The following PVALB variants were observed in gnomAD, a reference collection of about 807,000 sequenced individuals.
PVALB encodes parvalbumin alpha.
Under a neutral mutation model 10.9 loss-of-function variants are expected in PVALB, and 11 were observed. That is an observed-to-expected ratio of 1.01 (90% CI 0.63 to 1.67). PVALB has a LOEUF of 1.67. Ranked by LOEUF, PVALB falls within the 40% of genes most tolerant of loss-of-function variation. The pLI is 0.00. For synonymous variants in PVALB, 57 were observed against 50.7 expected (o/e 1.12, Z -0.53); for missense variants, 131 against 136.2 (o/e 0.96, Z 0.19).
chr22:36,812,872 A>T (rs996399546), intron 3 of PVALB, among the ~76,000 whole-genome samples: 1 of 152,258 alleles, frequency 6.6e-6, no homozygotes, highest in Non-Finnish European at 1.5e-5. Flanking sequence ...TGCAAAATGG[A>T]GATAATTCCG....
intron 2 of PVALB, 28 bp downstream of exon 2, chr22:36,815,075 T>C (rs1187516648): frequency 1.2e-6 from 2 of 1,613,518 alleles, no homozygotes; most frequent in Admixed American, 1.7e-5. Flanking sequence ...AGCCGTGGGC[T>C]GGGCAGCCCC....
chr22:36,814,129 C>T (rs114649254), intron 2 of PVALB, among the ~76,000 whole-genome samples: 15 of 152,210 alleles, frequency 9.9e-5, no homozygotes, highest in African/African-American at 3.6e-4. Flanking sequence ...TCACGGGCTC[C>T]GAGAGAGACC....
At chr22:36,813,534 A>C in intron 3 of PVALB, 112 bp downstream of exon 3, 1 of 818,164 alleles carries the variant, frequency 1.2e-6, no homozygotes, top group Non-Finnish European at 2.1e-6. Context: ...AATCTGGGGG[A>C]GTGAGGGACC....
intron 3 of PVALB, among the ~76,000 whole-genome samples, chr22:36,810,835 G>A (rs1939034395): frequency 6.6e-6 from 1 of 152,222 alleles, no homozygotes; most frequent in Non-Finnish European, 1.5e-5. Context: ...TACCTTGCCT[G>A]GACCCCACTC....
intron 3 of PVALB, among the ~76,000 whole-genome samples, chr22:36,812,851 A>T (rs747685059): frequency 4.2e-4 from 64 of 152,246 alleles, no homozygotes; most frequent in Non-Finnish European, 8.7e-4. Flanking sequence ...TTCAAAGTCC[A>T]TTTGCCCACC....
intron 2 of PVALB, among the ~76,000 whole-genome samples, chr22:36,814,474 G>C (rs939448616): frequency 6.6e-6 from 1 of 152,114 alleles, no homozygotes; most frequent in Non-Finnish European, 1.5e-5. Flanking sequence ...AAAACTCAAG[G>C]CTTTCTTGGC....
intron 3 of PVALB, chr22:36,813,353 T>G: frequency 2.7e-6 from 1 of 370,440 alleles, no homozygotes; most frequent in Non-Finnish European, 5.0e-6. Context: ...CATGCAAAAA[T>G]GCAGGCAGAG....
At chr22:36,806,400 C>T (rs1184472888) in intron 3 of PVALB, among the ~76,000 whole-genome samples, 1 of 152,150 alleles carries the variant, frequency 6.6e-6, no homozygotes, top group Non-Finnish European at 1.5e-5. Context: ...CTGAAATTAG[C>T]CTAATTAGGT....
intron 3 of PVALB, 117 bp downstream of exon 3, chr22:36,813,529 G>T (rs1939079251): frequency 2.5e-6 from 2 of 796,544 alleles, no homozygotes. Flanking sequence ...CTTCTAATCT[G>T]GGGGAGTGAG....
intron 3 of PVALB, among the ~76,000 whole-genome samples, chr22:36,803,712 G>GAT (rs1369460468): frequency 6.6e-6 from 1 of 150,664 alleles, no homozygotes; most frequent in African/African-American, 2.5e-5. Flanking sequence ...TGGATGGATG[G>GAT]GTGGGTGGTT....
intron 3 of PVALB, among the ~76,000 whole-genome samples, chr22:36,809,185 C>G (rs1199743913): frequency 1.3e-5 from 2 of 152,212 alleles, no homozygotes; most frequent in Admixed American, 1.3e-4. Flanking sequence ...GCTTGCAGAT[C>G]ATCTCCCACT....
chr22:36,804,626 G>T (rs7288290), intron 3 of PVALB, among the ~76,000 whole-genome samples: 31,502 of 152,078 alleles, frequency 0.21, 3,875 homozygotes, highest in African/African-American at 0.34. Context: ...AAATGCCCAG[G>T]TCTCTCCTTA....
At chr22:36,818,307 G>T (rs1167394303), upstream of PVALB, 1 of 152,434 alleles carries the variant, frequency 6.6e-6, no homozygotes, top group African/African-American at 2.4e-5. Context: ...GGGTGGTGGG[G>T]ACCAGGGAGA....
intron 3 of PVALB, among the ~76,000 whole-genome samples, chr22:36,808,141 T>C (rs537107118): frequency 2.0e-5 from 3 of 152,346 alleles, no homozygotes; most frequent in East Asian, 1.9e-4. Context: ...GAGTCAAGGT[T>C]TGAAGAGGGC....
At chr22:36,811,053 A>T (rs1939038231) in intron 3 of PVALB, among the ~76,000 whole-genome samples, 1 of 152,204 alleles carries the variant, frequency 6.6e-6, no homozygotes, top group African/African-American at 2.4e-5. Context: ...AGGTGGGCGG[A>T]TGACTTGAGG....
intron 3 of PVALB, among the ~76,000 whole-genome samples, chr22:36,804,954 A>G (rs1320678901): frequency 6.6e-6 from 1 of 152,088 alleles, no homozygotes; most frequent in African/African-American, 2.4e-5. Flanking sequence ...GAACAAACAA[A>G]CAAACAAACA....
chr22:36,809,404 C>T (rs1359052565), intron 3 of PVALB, among the ~76,000 whole-genome samples: 1 of 151,288 alleles, frequency 6.6e-6, no homozygotes, highest in African/African-American at 2.4e-5. Context: ...AAGAAATAGG[C>T]AATAAGTCAA....
intron 3 of PVALB, among the ~76,000 whole-genome samples, chr22:36,812,672 G>A (rs563224679): frequency 1.2e-4 from 18 of 152,080 alleles, no homozygotes; most frequent in Non-Finnish European, 1.9e-4. Flanking sequence ...AACCCAGATA[G>A]CCTGGGGCCC....
chr22:36,800,957 G>A, intron 3 of PVALB, 39 bp from the exon 4 acceptor site: 6 of 1,589,726 alleles, frequency 3.8e-6, no homozygotes, highest in Non-Finnish European at 5.2e-6. Flanking sequence ...GTCAGAGGCG[G>A]GGATGCAAGA....
Sources: gnomAD v4.1 joint callset for allele counts (sites outside exome capture counted in the v4.1 genomes callset) on GRCh38, gnomAD v4.1.1 for gene constraint, MANE v1.5 for transcripts, NCBI Gene and HGNC (gene_info 2026-07-23, HGNC 2026-07-21) for gene names.